The following IGF2BP2 variants were observed in gnomAD, a reference collection of about 807,000 sequenced individuals.
IGF2BP2 encodes insulin like growth factor 2 mRNA binding protein 2.
Under a neutral mutation model 75.8 loss-of-function variants are expected in IGF2BP2, and 17 were observed. The observed-to-expected ratio is 0.22, with a 90% CI of 0.15 to 0.34. IGF2BP2 has a LOEUF of 0.34. Ranked by LOEUF, IGF2BP2 falls within the 10% of genes least tolerant of loss-of-function variation. The pLI, the probability that IGF2BP2 is intolerant of heterozygous loss-of-function variation, is 1.00. For missense variants in IGF2BP2, 516 were observed against 772.4 expected (o/e 0.67, Z 3.93); for synonymous variants, 288 against 295.6 (o/e 0.97, Z 0.26).
chr3:185,821,122 C>T, intron 2 of IGF2BP2: 1 of 1,507,514 alleles, frequency 6.6e-7, no homozygotes, highest in Non-Finnish European at 8.8e-7. Context: ...AGCTATCTCT[C>T]CCTTAGCCTG....
intron 2 of IGF2BP2, among the ~76,000 whole-genome samples, chr3:185,757,922 C>T (rs1305012317): frequency 5.9e-5 from 9 of 152,224 alleles, no homozygotes; most frequent in African/African-American, 2.2e-4. Flanking sequence ...GTGACAACAG[C>T]TATTTATATA....
intron 2 of IGF2BP2, among the ~76,000 whole-genome samples, chr3:185,775,882 T>C (rs1008451473): frequency 2.6e-5 from 4 of 152,150 alleles, no homozygotes; most frequent in East Asian, 1.9e-4. Context: ...GAGAAATACT[T>C]ATATATAAGC....
At chr3:185,711,403 C>T (rs1724775274) in intron 2 of IGF2BP2, among the ~76,000 whole-genome samples, 1 of 152,196 alleles carries the variant, frequency 6.6e-6, no homozygotes, top group Admixed American at 6.5e-5. Flanking sequence ...ACAGGGTTAA[C>T]ATCTCTGGTG....
chr3:185,765,113 G>A (rs892651259), intron 2 of IGF2BP2, among the ~76,000 whole-genome samples: 1 of 152,102 alleles, frequency 6.6e-6, no homozygotes, highest in African/African-American at 2.4e-5. Flanking sequence ...ATGAATGTAA[G>A]CACAAAACAT....
chr3:185,725,791 T>C (rs1002836173), intron 2 of IGF2BP2, among the ~76,000 whole-genome samples: 1 of 152,076 alleles, frequency 6.6e-6, no homozygotes, highest in Non-Finnish European at 1.5e-5. Context: ...TGGCAACATA[T>C]TGAGACCCCA....
chr3:185,776,909 G>A (rs1278863724), intron 2 of IGF2BP2, among the ~76,000 whole-genome samples: 2 of 152,150 alleles, frequency 1.3e-5, no homozygotes, highest in African/African-American at 4.8e-5. Flanking sequence ...ATAAAACAGT[G>A]CAATATAAAT....
At chr3:185,696,948 G>C (rs996030403) in intron 3 of IGF2BP2, among the ~76,000 whole-genome samples, 3 of 152,128 alleles carry the variant, frequency 2.0e-5, no homozygotes, top group Non-Finnish European at 4.4e-5. Context: ...ATGATGGTTG[G>C]AACACACTAC....
intron 12 of IGF2BP2, among the ~76,000 whole-genome samples, chr3:185,655,965 C>T (rs1023259887): frequency 1.3e-5 from 2 of 152,244 alleles, no homozygotes; most frequent in Non-Finnish European, 2.9e-5. Flanking sequence ...AGCAGAATTT[C>T]CATCTCAGAG....
chr3:185,658,383 C>T lies in IGF2BP2; in HGVS notation c.1227G>A (p.Leu409=), dbSNP rs752747052. 2 of 1,613,988 alleles carry T rather than the reference C, an allele frequency of 1.2e-6. No homozygotes were observed. The highest frequency in any genetic ancestry group is 1.7e-6 in the Non-Finnish European group (2 of 1,179,924). Residue 409 remains leucine, a synonymous_variant, in exon 11 of 16, where the codon CTG becomes CTA. Transcript: ENST00000382199. ...FTTHSGYFSS[L]YPHHQFGPFP... The stretch of plus-strand genomic sequence containing the variant: ...ACGGGCCAAACTGGTGATGGGGGTA[C>T]AGGCTGGAGAAGTATCCGGAGTGGG...
chr3:185,740,818 G>C (rs74865639), intron 2 of IGF2BP2, among the ~76,000 whole-genome samples: 3,548 of 152,306 alleles, frequency 0.023, 69 homozygotes, highest in Middle Eastern at 0.054. Flanking sequence ...ACTCACTCAA[G>C]GGACTGTCAA....
intron 7 of IGF2BP2, among the ~76,000 whole-genome samples, chr3:185,678,289 G>A (rs545666335): frequency 6.6e-6 from 1 of 152,234 alleles, no homozygotes; most frequent in East Asian, 1.9e-4. Context: ...CCAGAAGGGA[G>A]TGGGATGATA....
intron 2 of IGF2BP2, among the ~76,000 whole-genome samples, chr3:185,811,508 G>A (rs886318724): frequency 4.6e-5 from 7 of 152,132 alleles, no homozygotes; most frequent in Non-Finnish European, 1.0e-4. Context: ...TTGAATTGTT[G>A]CCAATATTTA....
intron 2 of IGF2BP2, among the ~76,000 whole-genome samples, chr3:185,704,615 A>T: frequency 6.6e-6 from 1 of 152,200 alleles, no homozygotes; most frequent in Admixed American, 6.5e-5. Flanking sequence ...ATGCCCAGCT[A>T]TTTTTTGTAG....
At chr3:185,824,573 G>A (rs1741790023) in intron 1 of IGF2BP2, among the ~76,000 whole-genome samples, 1 of 148,946 alleles carries the variant, frequency 6.7e-6, no homozygotes, top group Admixed American at 6.7e-5. Flanking sequence ...GGCCCCGAGG[G>A]CGAGGGCAGA....
intron 2 of IGF2BP2, among the ~76,000 whole-genome samples, chr3:185,781,448 T>G (rs1262914496): frequency 6.6e-6 from 1 of 152,222 alleles, no homozygotes; most frequent in African/African-American, 2.4e-5. Context: ...ATGTGAAATA[T>G]TCTCAATCTG....
intron 2 of IGF2BP2, among the ~76,000 whole-genome samples, chr3:185,779,796 A>G (rs1734973862): frequency 6.6e-6 from 1 of 152,218 alleles, no homozygotes; most frequent in East Asian, 1.9e-4. Flanking sequence ...GCAAGAAACC[A>G]AAGTATAAAA....
chr3:185,817,249 A>T (rs1740732884), intron 2 of IGF2BP2, among the ~76,000 whole-genome samples: 1 of 152,216 alleles, frequency 6.6e-6, no homozygotes, highest in African/African-American at 2.4e-5. Context: ...TACAGATATT[A>T]TTTAGTGAAA....
At chr3:185,700,091 T>C (rs889283872) in intron 2 of IGF2BP2, among the ~76,000 whole-genome samples, 1 of 152,102 alleles carries the variant, frequency 6.6e-6, no homozygotes, top group Admixed American at 6.6e-5. Flanking sequence ...GTGTACCACC[T>C]TGCGGGGTCA....
At chr3:185,732,212 G>A (rs1384083862) in intron 2 of IGF2BP2, among the ~76,000 whole-genome samples, 1 of 152,106 alleles carries the variant, frequency 6.6e-6, no homozygotes, top group Non-Finnish European at 1.5e-5. Flanking sequence ...TTCTCTATTG[G>A]GAGTGTGAGG....
Sources: allele counts gnomAD v4.1 joint callset (sites outside exome capture counted in the v4.1 genomes callset), GRCh38; gene constraint gnomAD v4.1.1; transcripts MANE v1.5; gene names NCBI Gene and HGNC (gene_info 2026-07-23, HGNC 2026-07-21).